The following CCDC178 variants were observed in gnomAD, a reference collection of about 807,000 sequenced individuals.
CCDC178 encodes the protein coiled-coil domain containing 178, also known as coiled-coil domain-containing protein 178.
CCDC178 carries 126 observed loss-of-function variants against 117.4 expected under a neutral mutation model. That is an observed-to-expected ratio of 1.07 (90% CI 0.93 to 1.24). CCDC178 has a LOEUF of 1.24. Ranked by LOEUF, CCDC178 falls within the 50% of genes most tolerant of loss-of-function variation. The pLI is 0.00. For missense variants in CCDC178, 1,030 were observed against 986.9 expected, an observed-to-expected ratio of 1.04 and a Z score of -0.59; for synonymous variants, 283 against 313.4, an observed-to-expected ratio of 0.90 and a Z score of 1.02.
chr18:33,392,071 G>T (rs766579598), intron 4 of CCDC178, among the ~76,000 whole-genome samples: 1 of 151,580 alleles, frequency 6.6e-6, no homozygotes, highest in African/African-American at 2.4e-5. Flanking sequence ...TGTCATGTTG[G>T]CAAGGCTGGT....
At chr18:33,421,666 G>A (rs1459170497) in intron 2 of CCDC178, among the ~76,000 whole-genome samples, 1 of 152,166 alleles carries the variant, frequency 6.6e-6, no homozygotes. Context: ...CAGAACATAA[G>A]GTCACTGGAA....
chr18:33,369,766 G>C (rs1449333136), intron 6 of CCDC178, among the ~76,000 whole-genome samples: 1 of 151,858 alleles, frequency 6.6e-6, no homozygotes, highest in Non-Finnish European at 1.5e-5. Flanking sequence ...TAATTTACTA[G>C]TGAAGTTGGC....
At chr18:32,970,247 A>G (rs546535376) in intron 22 of CCDC178, among the ~76,000 whole-genome samples, 7 of 151,916 alleles carry the variant, frequency 4.6e-5, no homozygotes, top group Non-Finnish European at 5.9e-5. Context: ...TTTTCTGCCA[A>G]CTGTAGATCT....
At chr18:33,277,597 G>A (rs1399609661) in intron 12 of CCDC178, among the ~76,000 whole-genome samples, 3 of 152,040 alleles carry the variant, frequency 2.0e-5, no homozygotes, top group Non-Finnish European at 4.4e-5. Context: ...GTGGCTCTGG[G>A]GGATAAACCA....
At chr18:33,396,159 C>T (rs1390290214) in intron 4 of CCDC178, among the ~76,000 whole-genome samples, 1 of 151,766 alleles carries the variant, frequency 6.6e-6, no homozygotes, top group African/African-American at 2.4e-5. Flanking sequence ...AGCCAATTTG[C>T]AAAAGTGGAA....
At chr18:33,345,072 A>T (rs1286266163) in intron 9 of CCDC178, among the ~76,000 whole-genome samples, 1 of 152,126 alleles carries the variant, frequency 6.6e-6, no homozygotes, top group Non-Finnish European at 1.5e-5. Context: ...GTACACTATG[A>T]CCTATAATTT....
chr18:33,082,971 T>C (rs1207038091), intron 21 of CCDC178, among the ~76,000 whole-genome samples: 1 of 152,034 alleles, frequency 6.6e-6, no homozygotes, highest in Non-Finnish European at 1.5e-5. Context: ...ATAATACCTG[T>C]TTTGATTCTT....
At chr18:33,092,730 A>G in intron 21 of CCDC178, 31 bp downstream of exon 21, 1 of 1,484,536 alleles carries the variant, frequency 6.7e-7, no homozygotes, top group Middle Eastern at 1.8e-4. Flanking sequence ...GACATAAATC[A>G]TCACCTTAAA....
chr18:32,937,741 GATTA>G lies in CCDC178; in HGVS notation c.*266_*269del. 2.5e-6 allele frequency: 1 copy of G among 395,292 alleles called. No homozygotes were observed. The highest frequency in any genetic ancestry group is 5.0e-5 in the South Asian group (1 of 20,142). The allele number at this position is 395,292 out of a possible 1,614,324, so 24.5% of individuals were successfully genotyped here. ...CTCTCTTCCAATTAATGGTGACATA[GATTA>G]ATTATCAGATGAGGCAAAGCCAATT... is the stretch of plus-strand genomic sequence containing the variant. On this transcript the variant is annotated 3_prime_UTR_variant, in exon 23 of 23. Transcript: ENST00000383096.
intron 20 of CCDC178, among the ~76,000 whole-genome samples, chr18:33,209,767 A>T (rs1482657892): frequency 6.6e-6 from 1 of 152,096 alleles, no homozygotes; most frequent in African/African-American, 2.4e-5. Flanking sequence ...TATCCAAGAA[A>T]CTGGTAAGAG....
chr18:33,157,285 C>T (rs1243404012), intron 20 of CCDC178, among the ~76,000 whole-genome samples: 14 of 152,136 alleles, frequency 9.2e-5, no homozygotes. Context: ...ATGTGATTTA[C>T]TGCCTCTTAG....
At chr18:33,067,593 C>G (rs994880213) in intron 21 of CCDC178, among the ~76,000 whole-genome samples, 1 of 152,142 alleles carries the variant, frequency 6.6e-6, no homozygotes, top group African/African-American at 2.4e-5. Flanking sequence ...TCTTGTAATC[C>G]CAGCACTTTG....
chr18:33,235,557 G>A (rs1439363534), intron 15 of CCDC178, among the ~76,000 whole-genome samples: 3 of 152,130 alleles, frequency 2.0e-5, no homozygotes, highest in Non-Finnish European at 4.4e-5. Context: ...AACTCTTTAT[G>A]TCTACTTTAT....
intron 20 of CCDC178, among the ~76,000 whole-genome samples, chr18:33,149,842 A>C (rs961498651): frequency 6.6e-6 from 1 of 152,160 alleles, no homozygotes; most frequent in African/African-American, 2.4e-5. Flanking sequence ...GAAGATTAAC[A>C]GTCAAAAATA....
chr18:33,437,432 C>T (rs972626963), intron 2 of CCDC178, among the ~76,000 whole-genome samples: 2 of 152,096 alleles, frequency 1.3e-5, no homozygotes, highest in Admixed American at 1.3e-4. Context: ...TTTTATTTAA[C>T]ATGCCCAGGT....
At chr18:33,165,429 T>C (rs997707094) in intron 20 of CCDC178, among the ~76,000 whole-genome samples, 3 of 152,182 alleles carry the variant, frequency 2.0e-5, no homozygotes, top group African/African-American at 4.8e-5. Flanking sequence ...GTGTAGACTA[T>C]ATGCAAATAC....
At chr18:33,110,541 G>T (rs1296042339) in intron 20 of CCDC178, among the ~76,000 whole-genome samples, 1 of 151,476 alleles carries the variant, frequency 6.6e-6, no homozygotes, top group African/African-American at 2.4e-5. Flanking sequence ...ATTTATATCT[G>T]TAAACAGGTA....
chr18:33,190,519 C>A (rs271457), intron 20 of CCDC178, among the ~76,000 whole-genome samples: 24,530 of 151,964 alleles, frequency 0.16, 2,761 homozygotes, highest in African/African-American at 0.32. Flanking sequence ...TAATACTTTT[C>A]GTAATTATTT....
intron 21 of CCDC178, among the ~76,000 whole-genome samples, chr18:32,982,081 T>C (rs530772482): frequency 3.2e-4 from 49 of 152,282 alleles, no homozygotes; most frequent in African/African-American, 1.1e-3. Context: ...TTAAAAATTC[T>C]TTAAATTGTG....
Sources: gnomAD v4.1 joint callset for allele counts (sites outside exome capture counted in the v4.1 genomes callset) on GRCh38, gnomAD v4.1.1 for gene constraint, MANE v1.5 for transcripts, NCBI Gene and HGNC (gene_info 2026-07-23, HGNC 2026-07-21) for gene names.